The following NOS1 variants were observed in gnomAD, a reference collection of about 807,000 sequenced individuals.
NOS1 encodes nitric oxide synthase 1.
Under a neutral mutation model 164.5 loss-of-function variants are expected in NOS1, and 51 were observed. That is an observed-to-expected ratio of 0.31 (90% CI 0.25 to 0.39). The LOEUF (loss-of-function observed/expected upper bound fraction) is 0.39. Among genes scored for constraint, NOS1 ranks in the 10% least tolerant of loss-of-function variants. The pLI, the probability that NOS1 is intolerant of heterozygous loss-of-function variation, is 1.00. For missense variants in NOS1, 1,362 were observed against 1,885.6 expected (o/e 0.72, Z 5.14); for synonymous variants, 719 against 745.8 (o/e 0.96, Z 0.59).
In NOS1 at chr12:117,256,924, T is replaced by G. The variant is rs555102583; in HGVS notation, c.2531+1473A>C. Among the ~76,000 whole-genome samples, 2 of 151,958 alleles carry G rather than the reference T, an allele frequency of 1.3e-5. 1 individual carries two copies. Among genetic ancestry groups the G allele is most frequent in the East Asian group, 3.9e-4 (2 of 5,086 alleles). The stretch of plus-strand genomic sequence containing the variant: ...CTGTCTCTACTAAAAATACAAAAAT[T>G]AGCCAGGCATGGTGGTGTGTGCCTG... On this transcript the variant is annotated intron_variant, in intron 16 of 28. Transcript: ENST00000317775.
rs760011316 is a variant in NOS1 at position 117,208,499 on chromosome 12, A to G, written c.*6810T>C. ...GACACTGCGACGTGGGGTGCCCGGC[A>G]CCGCTCTTTGGGCCTTCTGGAAAAC... On this transcript the variant is annotated 3_prime_UTR_variant, in exon 29 of 29. Coordinates refer to ENST00000317775, the MANE Select transcript of NOS1 (RefSeq NM_000620.5). 4.8e-6 allele frequency: 6 copies of G among 1,246,152 alleles called. No individual in the cohort carries two copies. Among genetic ancestry groups the G allele is most frequent in the Non-Finnish European group, 5.2e-6 (5 of 963,582 alleles). The allele number at this position is 1,246,152 out of a possible 1,614,324, so 77.2% of individuals were successfully genotyped here.
chr12:117,290,920 G>C (rs1252836659), intron 3 of NOS1, among the ~76,000 whole-genome samples: 1 of 152,054 alleles, frequency 6.6e-6, no homozygotes, highest in Non-Finnish European at 1.5e-5. Context: ...GATTTAAATT[G>C]AAAAATTTTG....
chr12:117,281,004 A>G (rs1873605655), intron 7 of NOS1, 138 bp from the exon 8 acceptor site: 9 of 911,928 alleles, frequency 9.9e-6, no homozygotes, highest in Non-Finnish European at 1.5e-5. Flanking sequence ...CCCAGGGCCA[A>G]TGGAGCAGCG....
At chr12:117,306,637 T>G (rs1446299996) in intron 3 of NOS1, among the ~76,000 whole-genome samples, 1 of 151,874 alleles carries the variant, frequency 6.6e-6, no homozygotes, top group Non-Finnish European at 1.5e-5. Flanking sequence ...TTTTTTTTTT[T>G]CAGATGGAGT....
rs1245413261 is a variant in NOS1 at position 117,330,708 on chromosome 12, C to T, written c.362G>A (p.Arg121Gln). 4.3e-6 allele frequency: 7 copies of T among 1,613,716 alleles called. No homozygotes were observed. Among genetic ancestry groups the T allele is most frequent in the Non-Finnish European group, 5.9e-6 (7 of 1,179,884 alleles). The change falls in exon 2 of 29, where the codon CGG (arginine) becomes CAG (glutamine). Residue 121 changes from arginine (R) to glutamine (Q), a missense_variant. Physicochemically the swap from Arg to Gln is conservative, Grantham distance 43. Around this residue, in one of 4 missense-constraint regions of NOS1, gnomAD observed 362 missense variants for 402.0 expected, o/e 0.90. Transcript: ENST00000317775. This position sits in a 1 kb window ranked among gnomAD's most constrained non-coding sequence, Gnocchi z 4.6. Reference protein sequence around the residue: ...FTGDGTPKTIRVTQPLGPPTK... With the variant: ...FTGDGTPKTIQVTQPLGPPTK... ...GGGGGGACCCAGGGGCTGTGTCACC[C>T]GGATGGTCTTGGGGGTCCCATCACC...
intron 3 of NOS1, among the ~76,000 whole-genome samples, chr12:117,292,466 T>C (rs552703827): frequency 2.0e-5 from 3 of 152,256 alleles, no homozygotes; most frequent in East Asian, 3.9e-4. Context: ...AGCTGTGAAT[T>C]ATGATCAAAT....
Position 117,330,488 on chromosome 12 carries a change from G to A in NOS1, c.582C>T (p.Val194=), listed in dbSNP as rs1266879528. ...TGTTCTCCCCTCTGCCTTGGAGGCT[G>A]ACTCTGGTTGCTTTCTTCGCGGGGT... The part of the protein sequence containing the change: ...GQDPAKKATR[V]SLQGRGENNE... The change falls in exon 2 of 29, where the codon GTC becomes GTT. Residue 194 remains valine (V), a synonymous_variant. Coordinates refer to ENST00000317775, the MANE Select transcript of NOS1 (RefSeq NM_000620.5). This position sits in a 1 kb window ranked among gnomAD's most constrained non-coding sequence, Gnocchi z 4.6. The A allele has an allele frequency of 5.0e-6, 8 of 1,614,074 alleles. No individual in the cohort carries two copies. In the Admixed American group the frequency reaches 1.2e-4, roughly 24 times the overall value.
intron 3 of NOS1, among the ~76,000 whole-genome samples, chr12:117,309,777 C>T (rs990562454): frequency 5.3e-5 from 8 of 149,886 alleles, no homozygotes; most frequent in Non-Finnish European, 1.2e-4. Context: ...ATGGAGTTGG[C>T]GAGGCTGTGA....
At chr12:117,237,553 G>A (rs1869818068) in intron 20 of NOS1, among the ~76,000 whole-genome samples, 1 of 151,984 alleles carries the variant, frequency 6.6e-6, no homozygotes, top group Non-Finnish European at 1.5e-5. Context: ...CCCCCCGAGT[G>A]TCCCCTCTGT....
In NOS1 at chr12:117,213,231, G is replaced by A. The variant is rs904022247; in HGVS notation, c.*2078C>T. 44 of 985,324 alleles carry A rather than the reference G, an allele frequency of 4.5e-5. No homozygotes were observed. Among genetic ancestry groups the A allele is most frequent in the Non-Finnish European group, 5.1e-5 (42 of 829,952 alleles). 61.0% of individuals were successfully genotyped at this position (985,324 alleles called of 1,614,324 possible). On this transcript the variant is annotated 3_prime_UTR_variant, in exon 29 of 29. Transcript: ENST00000317775. Reference sequence around the variant, plus strand: ...ATTGGACACAACAGTTTCCTTCCCTGGGGAATTGGGGAGGCGTCTCCAAAG... The same window carrying A: ...ATTGGACACAACAGTTTCCTTCCCTAGGGAATTGGGGAGGCGTCTCCAAAG...
Position 117,214,839 on chromosome 12 carries a change from A to C in NOS1, c.*470T>G, listed in dbSNP as rs552383787. On this transcript the variant is annotated 3_prime_UTR_variant, in exon 29 of 29. Transcript: ENST00000317775. The stretch of plus-strand genomic sequence containing the variant: ...CGGACAGAGACCTGGCCCATCACAC[A>C]CACACACACACACACACACACACAC... 1.4e-5 allele frequency: 11 copies of C among 781,524 alleles called. No homozygotes were observed. The African/African-American group carries it at 1.9e-4, about 13-fold the overall frequency. The allele number at this position is 781,524 out of a possible 1,614,324, so 48.4% of individuals were successfully genotyped here.
intron 12 of NOS1, among the ~76,000 whole-genome samples, 164 bp downstream of exon 12, chr12:117,265,152 G>C (rs2135986970): frequency 6.6e-6 from 1 of 152,220 alleles, no homozygotes; most frequent in Non-Finnish European, 1.5e-5. Flanking sequence ...GCCTCATATA[G>C]TCTCTCTTGT....
At position 117,341,663 on chromosome 12, in the gene NOS1, G is replaced by A. The variant is rs572510360; in HGVS notation, c.-420-10174C>T. ...AGATGCACTTCTGCCTCCCACCCTTGCCCCTACATACCTGCCCCATTGCTG... is the reference window on the plus strand; with the variant it reads ...AGATGCACTTCTGCCTCCCACCCTTACCCCTACATACCTGCCCCATTGCTG... On this transcript the variant is annotated intron_variant, in intron 1 of 28. Coordinates refer to ENST00000317775, the MANE Select transcript of NOS1 (RefSeq NM_000620.5). Among the ~76,000 whole-genome samples the A allele has an allele frequency of 2.6e-5, 4 of 152,216 alleles. 1 individual carries two copies. The highest frequency in any genetic ancestry group is 2.0e-4 in the Admixed American group (3 of 15,282).
At chr12:117,352,686 C>T (rs1003197915) in intron 1 of NOS1, among the ~76,000 whole-genome samples, 1 of 152,068 alleles carries the variant, frequency 6.6e-6, no homozygotes, top group African/African-American at 2.4e-5. Context: ...TGCTAAACTG[C>T]AGGATTATTT....
intron 5 of NOS1, among the ~76,000 whole-genome samples, chr12:117,287,396 A>G (rs114788299): frequency 0.012 from 1,874 of 152,188 alleles, 42 homozygotes; most frequent in African/African-American, 0.043. Flanking sequence ...GGAATATACC[A>G]TAACTTACCC....
At chr12:117,342,008 T>C (rs184674363) in intron 1 of NOS1, among the ~76,000 whole-genome samples, 3 of 152,318 alleles carry the variant, frequency 2.0e-5, no homozygotes, top group Admixed American at 2.0e-4. Flanking sequence ...CTCATTACTA[T>C]AAAAAGGAAA....
intron 28 of NOS1, among the ~76,000 whole-genome samples, chr12:117,216,529 G>A (rs1175733945): frequency 1.3e-5 from 2 of 151,604 alleles, no homozygotes; most frequent in African/African-American, 4.9e-5. Flanking sequence ...CTAGGCTGGG[G>A]TGCAGTGGTG....
At chr12:117,322,230 C>T (rs574262553) in intron 2 of NOS1, among the ~76,000 whole-genome samples, 7 of 86,798 alleles carry the variant, frequency 8.1e-5, no homozygotes, top group Non-Finnish European at 1.4e-4. Context: ...TTCCTTCCTT[C>T]CCTTCCTCCC....
chr12:117,265,361 G>C lies in NOS1; in HGVS notation c.2091C>G (p.His697Gln), dbSNP rs1566047706. ...TGAGCCGGTAGTTGAGCATCTCCTGGTGGAACACAGGGGTGATGCTTCCGG... is the reference window on the plus strand; with the variant it reads ...TGAGCCGGTAGTTGAGCATCTCCTGCTGGAACACAGGGGTGATGCTTCCGG... ...PMSGSITPVFHQEMLNYRLTP... is the reference protein window; with the variant it reads ...PMSGSITPVFQQEMLNYRLTP... The change falls in exon 12 of 29, where the codon CAC becomes CAG. Residue 697 changes from histidine (H) to glutamine (Q), a missense_variant. Physicochemically the swap from His to Gln is conservative, Grantham distance 24 (BLOSUM62 0). This residue lies in a region of NOS1 where 737 missense variants were observed against 1,030.3 expected (regional missense o/e 0.72). Transcript: ENST00000317775. 1 of 1,577,012 alleles carries C rather than the reference G, an allele frequency of 6.3e-7. No individual in the cohort carries two copies. Among genetic ancestry groups the C allele is most frequent in the Non-Finnish European group, 8.6e-7 (1 of 1,158,586 alleles).
Sources: gnomAD v4.1 joint callset for allele counts (sites outside exome capture counted in the v4.1 genomes callset) on GRCh38, gnomAD v4.1.1 for gene constraint, gnomAD v4.1.1 regional missense constraint, Gnocchi (gnomAD v3.1) non-coding constraint, MANE v1.5 for transcripts, NCBI Gene and HGNC (gene_info 2026-07-23, HGNC 2026-07-21) for gene names.